Variants in RRM2 observed in about 807,000 individuals in gnomAD.
RRM2 encodes ribonucleotide reductase regulatory subunit M2, also known as ribonucleoside-diphosphate reductase subunit M2.
RRM2 carries 6 observed loss-of-function variants against 45.9 expected under a neutral mutation model. The observed-to-expected ratio is 0.13, with a 90% CI of 0.07 to 0.26. The LOEUF (loss-of-function observed/expected upper bound fraction) is 0.26, where lower values mean the gene tolerates loss of function less well. RRM2 is among the 10% of genes least tolerant of loss of function. RRM2 has a pLI of 1.00. For synonymous variants in RRM2, 177 were observed against 173.0 expected (o/e 1.02, Z -0.18); for missense variants, 343 against 489.5 (o/e 0.70, Z 2.82).
intron 3 of RRM2, among the ~76,000 whole-genome samples, chr2:10,208,403 A>C (rs1664700028): frequency 6.6e-6 from 1 of 152,190 alleles, no homozygotes; most frequent in South Asian, 2.1e-4. Flanking sequence ...AGGAGGCAGG[A>C]ATAAACAATT....
At chr2:10,181,838 C>T (rs1021220024) in intron 3 of RRM2, among the ~76,000 whole-genome samples, 1 of 145,702 alleles carries the variant, frequency 6.9e-6, no homozygotes, top group African/African-American at 2.6e-5. Context: ...GATCATGGCT[C>T]ACTGCAGCCT....
intron 3 of RRM2, among the ~76,000 whole-genome samples, chr2:10,209,215 G>A (rs990677895): frequency 4.6e-5 from 7 of 151,862 alleles, no homozygotes; most frequent in African/African-American, 7.3e-5. Flanking sequence ...GCACCACCAC[G>A]CATGGCTAAT....
intron 3 of RRM2, among the ~76,000 whole-genome samples, chr2:10,161,505 T>A (rs1663554482): frequency 6.6e-6 from 1 of 152,108 alleles, no homozygotes. Context: ...GGACCAGGGA[T>A]CTCCCCAGCC....
chr2:10,152,039 C>T (rs1382446355), intron 3 of RRM2, among the ~76,000 whole-genome samples: 1 of 152,002 alleles, frequency 6.6e-6, no homozygotes, highest in African/African-American at 2.4e-5. Flanking sequence ...AGCTCCGCCT[C>T]CCAGGTTCAT....
chr2:10,168,298 C>A (rs953087025), intron 3 of RRM2, among the ~76,000 whole-genome samples: 1 of 152,010 alleles, frequency 6.6e-6, no homozygotes, highest in African/African-American at 2.4e-5. Context: ...AATGTGCCTT[C>A]TTACCATCAT....
At position 10,128,937 on chromosome 2, in the gene RRM2, T is replaced by C; in HGVS notation, c.888T>C (p.Ala296=). 6.2e-7 allele frequency: 1 copy of C among 1,613,918 alleles called. No individual in the cohort carries two copies. Among genetic ancestry groups the C allele is most frequent in the Non-Finnish European group, 8.5e-7 (1 of 1,179,754 alleles). Residue 296 remains alanine, a synonymous_variant, in exon 8 of 10, where the codon GCT becomes GCC. Transcript: ENST00000304567. ...EERVREIIIN[A]VRIEQEFLTE... is the part of the protein sequence containing the mutation. The stretch of plus-strand genomic sequence containing the variant: ...GAGTAAGAGAAATAATTATCAATGC[T>C]GTTCGGATAGAACAGGTAAAGTGGG...
chr2:10,132,720 A>G (rs1228637777), downstream of RRM2, among the ~76,000 whole-genome samples: 2 of 152,184 alleles, frequency 1.3e-5, no homozygotes, highest in African/African-American at 4.8e-5. Flanking sequence ...CTTTACACCT[A>G]AAAGTGTTCA....
In RRM2 at chr2:10,154,691, C is replaced by CTTTTTTTTTTTTTTTTTTTTTTTTTTTTT. The variant is rs70948874; in HGVS notation, n.482+12337_482+12338insTTTTTTTTTTTTTTTTTTTTTTTTTTTTT. On this transcript the variant is annotated intron_variant and non_coding_transcript_variant, in intron 3 of 3. Coordinates refer to the RRM2 transcript ENST00000381786. ...TGTCTCCACAGAGTAAGTCCTGATT[C>CTTTTTTTTTTTTTTTTTTTTTTTTTTTTT]TTTTTTTTTTTTTTTTTTTTTGAGA... Among the ~76,000 whole-genome samples the CTTTTTTTTTTTTTTTTTTTTTTTTTTTTT allele has an allele frequency of 3.1e-5, 3 of 95,752 alleles. 1 individual carries two copies. The highest frequency in any genetic ancestry group is 5.8e-5 in the Non-Finnish European group (3 of 52,032). The allele number at this position is 95,752 out of a possible 152,430, so 62.8% of individuals were successfully genotyped here. A position where few individuals can be genotyped will look rare whatever the true frequency, so the allele number is the denominator to read the frequency against.
At chr2:10,132,471 C>T (rs903581214), downstream of RRM2, among the ~76,000 whole-genome samples, 3 of 151,996 alleles carry the variant, frequency 2.0e-5, no homozygotes, top group South Asian at 2.1e-4. Context: ...GTGCTGCTTC[C>T]GACTCCTGTG....
chr2:10,202,672 A>T (rs192471252), intron 3 of RRM2, among the ~76,000 whole-genome samples: 1 of 152,202 alleles, frequency 6.6e-6, no homozygotes, highest in East Asian at 1.9e-4. Context: ...CAGGGTTGGA[A>T]TGTGTCTGGT....
upstream of RRM2, among the ~76,000 whole-genome samples, chr2:10,138,356 G>A (rs1343536021): frequency 6.6e-6 from 1 of 152,046 alleles, no homozygotes; most frequent in Non-Finnish European, 1.5e-5. Context: ...TAGTAGAGAC[G>A]GGGTTTCTGC....
In RRM2 at chr2:10,152,573, C is replaced by T. The variant is rs368210924; in HGVS notation, n.482+10198C>T. Among the ~76,000 whole-genome samples, 39 of 151,566 alleles carry T rather than the reference C, an allele frequency of 2.6e-4. 1 individual carries two copies. The East Asian group carries it at 7.6e-3, about 30-fold the overall frequency. On this transcript the variant is annotated intron_variant and non_coding_transcript_variant, in intron 3 of 3. Transcript: ENST00000381786. Reference sequence around the variant, plus strand: ...TCTTGGCTCATTGCAGCTTTGGCCTCCTGGGCTCAAGCAGTTCTCCCACCT... The same window carrying T: ...TCTTGGCTCATTGCAGCTTTGGCCTTCTGGGCTCAAGCAGTTCTCCCACCT...
Position 10,141,444 on chromosome 2 carries a change from C to T in RRM2, n.63C>T, listed in dbSNP as rs1459160226. ...GATGTTGTCCCCATGTTAGTGTGCC[C>T]TCTCCAGGGAGACTGCCAGCCCTCG... On this transcript the variant is annotated non_coding_transcript_exon_variant, in exon 1 of 4. Coordinates refer to the RRM2 transcript ENST00000381786. 1.3e-5 allele frequency: 3 copies of T among 232,444 alleles called. No homozygotes were observed. In the Admixed American group the frequency reaches 1.5e-4, roughly 12 times the overall value. 14.4% of individuals were successfully genotyped at this position (232,444 alleles called of 1,614,324 possible). A position where few individuals can be genotyped will look rare whatever the true frequency, so the allele number is the denominator to read the frequency against.
chr2:10,150,556 C>T (rs1173691976), intron 3 of RRM2, among the ~76,000 whole-genome samples: 1 of 147,678 alleles, frequency 6.8e-6, no homozygotes, highest in Non-Finnish European at 1.5e-5. Context: ...ATACAATAAA[C>T]TGCGCCTATT....
Position 10,123,521 on chromosome 2 carries a change from C to G in RRM2, c.309C>G (p.Thr103=), listed in dbSNP as rs561023083. 1.9e-6 allele frequency: 3 copies of G among 1,612,848 alleles called. No individual in the cohort carries two copies. In the African/African-American group the frequency reaches 4.0e-5, roughly 22 times the overall value. The change falls in exon 3 of 10, where the codon ACC becomes ACG. Residue 103 remains threonine (T), a synonymous_variant. Coordinates refer to ENST00000304567, the MANE Select transcript of RRM2 (RefSeq NM_001034.4). The part of the protein sequence containing the change: ...MYKKAEASFW[T]AEEVDLSKDI... ...AGAAGGCAGAGGCTTCCTTTTGGAC[C>G]GCCGAGGAGGTAATCGGAGGACCCC...
intron 4 of RRM2, chr2:10,124,082 CTT>C: frequency 6.1e-6 from 3 of 490,488 alleles, no homozygotes; most frequent in Non-Finnish European, 1.1e-5. Context: ...TGTGATGACT[CTT>C]TGTGGCCACC....
intron 3 of RRM2, among the ~76,000 whole-genome samples, chr2:10,144,024 G>A (rs1663140524): frequency 6.6e-6 from 1 of 152,240 alleles, no homozygotes; most frequent in Non-Finnish European, 1.5e-5. Context: ...TGTCTCTGGA[G>A]TGGCTGTGGA....
chr2:10,145,192 G>T (rs192212857), intron 3 of RRM2, among the ~76,000 whole-genome samples: 362 of 152,332 alleles, frequency 2.4e-3, no homozygotes, highest in Non-Finnish European at 4.3e-3. Flanking sequence ...GTTGGAGTTG[G>T]CTGTGGGCCA....
At chr2:10,148,011 G>T (rs150236700) in intron 3 of RRM2, among the ~76,000 whole-genome samples, 3,089 of 151,982 alleles carry the variant, frequency 0.02, 97 homozygotes, top group African/African-American at 0.07. Flanking sequence ...AGGCGTAGTG[G>T]CAGGCGCCTG....
Sources: allele counts gnomAD v4.1 joint callset (sites outside exome capture counted in the v4.1 genomes callset), GRCh38; gene constraint gnomAD v4.1.1; transcripts MANE v1.5; gene names NCBI Gene and HGNC (gene_info 2026-07-23, HGNC 2026-07-21).